The following SPATA17 variants were observed in gnomAD, a reference collection of about 807,000 sequenced individuals.
SPATA17 encodes spermatogenesis-associated protein 17.
Under a neutral mutation model 62.2 loss-of-function variants are expected in SPATA17, and 53 were observed. That is an observed-to-expected ratio of 0.85 (90% confidence interval 0.68 to 1.07). The LOEUF (loss-of-function observed/expected upper bound fraction) is 1.07. Among genes scored for constraint, SPATA17 ranks in the 50% least tolerant of loss-of-function variants. SPATA17 has a pLI of 0.00. For missense variants in SPATA17, 466 were observed against 425.5 expected (o/e 1.10, Z -0.84); for synonymous variants, 146 against 146.8 (o/e 0.99, Z 0.04).
At chr1:217,675,883 T>C (rs1308209726) in intron 4 of SPATA17, among the ~76,000 whole-genome samples, 1 of 152,162 alleles carries the variant, frequency 6.6e-6, no homozygotes, top group African/African-American at 2.4e-5. Flanking sequence ...CTGGTCACTT[T>C]TAATCTTGGC....
At chr1:217,811,377 A>G (rs894816335) in intron 9 of SPATA17, among the ~76,000 whole-genome samples, 2 of 152,112 alleles carry the variant, frequency 1.3e-5, no homozygotes, top group African/African-American at 2.4e-5. Context: ...CTCCTACTCC[A>G]TACAAAACCA....
chr1:217,806,066 G>A lies in SPATA17; in HGVS notation c.1005+4216G>A, dbSNP rs963783894. Among the ~76,000 whole-genome samples, 6 of 152,170 alleles carry A rather than the reference G, an allele frequency of 3.9e-5. 1 individual carries two copies. The highest frequency in any genetic ancestry group is 4.1e-4 in the South Asian group (2 of 4,828). On this transcript the variant is annotated intron_variant, in intron 9 of 10. Transcript: ENST00000366933. The stretch of plus-strand genomic sequence containing the variant: ...ACGTGCTTCCAAAATGCAATGGTAG[G>A]ACAAGCAAAGGGGTGATATTTCTAT...
At chr1:217,725,771 T>A (rs1463779551) in intron 5 of SPATA17, among the ~76,000 whole-genome samples, 1 of 152,184 alleles carries the variant, frequency 6.6e-6, no homozygotes, top group Non-Finnish European at 1.5e-5. Flanking sequence ...CCCCAGATTA[T>A]GTTTTTAAAT....
intron 7 of SPATA17, among the ~76,000 whole-genome samples, chr1:217,775,072 A>G (rs1356443750): frequency 6.6e-6 from 1 of 152,180 alleles, no homozygotes; most frequent in Non-Finnish European, 1.5e-5. Flanking sequence ...AAACTGCCAT[A>G]CTGTTTCTCA....
At chr1:217,808,957 G>A (rs997278265) in intron 9 of SPATA17, among the ~76,000 whole-genome samples, 1 of 152,070 alleles carries the variant, frequency 6.6e-6, no homozygotes, top group Non-Finnish European at 1.5e-5. Flanking sequence ...CAACATAAAG[G>A]GAAAGCATCA....
At chr1:217,635,302 C>T (rs1462873905) in intron 1 of SPATA17, among the ~76,000 whole-genome samples, 1 of 152,302 alleles carries the variant, frequency 6.6e-6, no homozygotes, top group East Asian at 1.9e-4. Context: ...AGTCCAGGTA[C>T]AGCTTGCTTT....
chr1:217,720,471 C>T (rs2102933712), intron 5 of SPATA17, among the ~76,000 whole-genome samples: 2 of 151,976 alleles, frequency 1.3e-5, no homozygotes, highest in South Asian at 4.2e-4. Context: ...CTGAAATATG[C>T]ACAAAATGAC....
intron 9 of SPATA17, among the ~76,000 whole-genome samples, chr1:217,833,498 C>T (rs1405501343): frequency 6.6e-6 from 1 of 152,142 alleles, no homozygotes; most frequent in Non-Finnish European, 1.5e-5. Flanking sequence ...GCTTGCCCAC[C>T]TATATGGACA....
chr1:217,783,118 TA>T (rs1407030480), intron 8 of SPATA17, among the ~76,000 whole-genome samples: 3 of 150,834 alleles, frequency 2.0e-5, no homozygotes, highest in Admixed American at 6.6e-5. Flanking sequence ...ATACAAAATA[TA>T]AAATTATAAT....
intron 5 of SPATA17, among the ~76,000 whole-genome samples, chr1:217,720,390 T>C (rs1399474811): frequency 6.6e-6 from 1 of 152,214 alleles, no homozygotes; most frequent in Non-Finnish European, 1.5e-5. Flanking sequence ...TTCTTTTATC[T>C]AAGAATGGCA....
intron 5 of SPATA17, among the ~76,000 whole-genome samples, chr1:217,700,259 T>C (rs575138511): frequency 2.0e-5 from 3 of 152,332 alleles, no homozygotes; most frequent in African/African-American, 4.8e-5. Context: ...GAAGAATTGA[T>C]TCATTTTCTT....
At chr1:217,822,198 A>T (rs2102997415) in intron 9 of SPATA17, among the ~76,000 whole-genome samples, 1 of 152,152 alleles carries the variant, frequency 6.6e-6, no homozygotes, top group South Asian at 2.1e-4. Context: ...ATTTTCAACC[A>T]TTTGTGTGAA....
intron 1 of SPATA17, among the ~76,000 whole-genome samples, chr1:217,643,195 A>T (rs896895645): frequency 2.0e-5 from 3 of 152,090 alleles, no homozygotes; most frequent in Admixed American, 2.0e-4. Flanking sequence ...ACCTTTTCTG[A>T]CAGAGAGAAA....
At chr1:217,699,155 C>T (rs1671533456) in intron 5 of SPATA17, among the ~76,000 whole-genome samples, 1 of 152,112 alleles carries the variant, frequency 6.6e-6, no homozygotes, top group Non-Finnish European at 1.5e-5. Context: ...ATGAATGAAG[C>T]TACTACAAAC....
At chr1:217,851,633 ATGG>A (rs1675667503) in intron 9 of SPATA17, among the ~76,000 whole-genome samples, 1 of 152,258 alleles carries the variant, frequency 6.6e-6, no homozygotes, top group South Asian at 2.1e-4. Context: ...TAAGATTAAA[ATGG>A]TGTTGTTAGC....
intron 9 of SPATA17, among the ~76,000 whole-genome samples, chr1:217,830,668 AGCCATACTTCCAG>A (rs1186511629): frequency 1.3e-5 from 2 of 152,150 alleles, no homozygotes; most frequent in Non-Finnish European, 2.9e-5. Flanking sequence ...AGAGCCTGGA[AGCCATACTTCCAG>A]GCCATACTTC....
chr1:217,805,104 A>G (rs942911027), intron 9 of SPATA17, among the ~76,000 whole-genome samples: 4 of 152,236 alleles, frequency 2.6e-5, no homozygotes, highest in Admixed American at 6.5e-5. Context: ...AGCATTTTCA[A>G]AATCGCCAAG....
chr1:217,714,488 C>CTTTGTTTTTTTTTTTTTTTTTTTT (rs1671952472), intron 5 of SPATA17, among the ~76,000 whole-genome samples: 1 of 121,432 alleles, frequency 8.2e-6, no homozygotes, highest in Non-Finnish European at 1.7e-5. Context: ...AAACGTGTTT[C>CTTTGTTTTTTTTTTTTTTTTTTTT]TTTTTTTTTT....
At chr1:217,835,577 T>C (rs1174675239) in intron 9 of SPATA17, among the ~76,000 whole-genome samples, 3 of 152,134 alleles carry the variant, frequency 2.0e-5, no homozygotes, top group African/African-American at 2.4e-5. Flanking sequence ...CCATAGTGCA[T>C]TGAATAACAA....
Sources: allele counts gnomAD v4.1 joint callset (sites outside exome capture counted in the v4.1 genomes callset), GRCh38; gene constraint gnomAD v4.1.1; transcripts MANE v1.5; gene names NCBI Gene and HGNC (gene_info 2026-07-23, HGNC 2026-07-21).